Variants in DHX37 observed in about 807,000 individuals in gnomAD.
DHX37 encodes the protein probable ATP-dependent RNA helicase DHX37.
DHX37 carries 52 observed loss-of-function variants against 134.3 expected under a neutral mutation model. The ratio of observed to expected loss-of-function variants is 0.39; its 90% CI spans 0.31 to 0.49. DHX37 has a LOEUF of 0.49. DHX37 is among the 20% of genes least tolerant of loss of function. The pLI, the probability that DHX37 is intolerant of heterozygous loss-of-function variation, is 0.93. For synonymous variants in DHX37, 634 were observed against 670.7 expected, an observed-to-expected ratio of 0.95 and a Z score of 0.85; for missense variants, 1,344 against 1,580.8, an observed-to-expected ratio of 0.85 and a Z score of 2.54.
chr12:124,950,150 T>G lies in DHX37; in HGVS notation c.3215A>C (p.Gln1072Pro). Reference sequence around the variant, plus strand: ...GTCTGGAGCCGCTGTGCCACCTACCTGCCCTTCCAGCAGGAACCGGGCAAA... The same window carrying G: ...GTCTGGAGCCGCTGTGCCACCTACCGGCCCTTCCAGCAGGAACCGGGCAAA... ...KHFARFLLEG[Q>P]VFRKLASYRS... The change falls in exon 24 of 27, where the codon CAG becomes CCG. Residue 1072 changes from glutamine to proline, a missense_variant and splice_region_variant. Transcript: ENST00000308736. The G allele has an allele frequency of 6.2e-7, 1 of 1,614,024 alleles. No homozygotes were observed.
At chr12:124,974,335 A>G (rs1954585886) in intron 6 of DHX37, among the ~76,000 whole-genome samples, 1 of 151,934 alleles carries the variant, frequency 6.6e-6, no homozygotes, top group African/African-American at 2.4e-5. Context: ...CCAACTATGC[A>G]CAGAATTGTC....
intron 3 of DHX37, among the ~76,000 whole-genome samples, chr12:124,981,218 C>G (rs7953914): frequency 0.38 from 57,631 of 152,004 alleles, 11,450 homozygotes; most frequent in East Asian, 0.56. Flanking sequence ...GTGCACTGCT[C>G]TATCCCCAGG....
intron 20 of DHX37, 181 bp downstream of exon 20, chr12:124,953,699 C>A: frequency 9.0e-7 from 1 of 1,108,342 alleles, no homozygotes; most frequent in Non-Finnish European, 1.2e-6. Context: ...TAGTGCCCTG[C>A]TCATGTGCAC....
At chr12:124,964,149 C>G (rs1454730252) in intron 15 of DHX37, among the ~76,000 whole-genome samples, 2 of 143,642 alleles carry the variant, frequency 1.4e-5, no homozygotes, top group East Asian at 2.1e-4. Context: ...GAGTCGAGAT[C>G]ACGCCATTGC....
Position 124,980,429 on chromosome 12 carries a change from C to G in DHX37, c.738+61G>C. 1 of 1,559,258 alleles carries G rather than the reference C, an allele frequency of 6.4e-7. No individual in the cohort carries two copies. The highest frequency in any genetic ancestry group is 8.7e-7 in the Non-Finnish European group (1 of 1,154,308). ...GCCCTTGCCCCACTTCACCAGGACG[C>G]CCTCTGTGCGCCCCTTGCCCGCTAA... On this transcript the variant is annotated intron_variant, in intron 4 of 26. Transcript: ENST00000308736. The surrounding 1 kb of genome is among the most constrained non-coding windows in gnomAD (Gnocchi z 5.3).
At chr12:124,969,260 T>C (rs74332549) in intron 8 of DHX37, among the ~76,000 whole-genome samples, 1 of 152,008 alleles carries the variant, frequency 6.6e-6, no homozygotes, top group South Asian at 2.1e-4. Context: ...GACACCAAGA[T>C]TGACTGAGTG....
chr12:124,982,928 G>A (rs1046331548), intron 2 of DHX37, among the ~76,000 whole-genome samples: 1 of 152,146 alleles, frequency 6.6e-6, no homozygotes, highest in Non-Finnish European at 1.5e-5. Flanking sequence ...GTTCAGTCAT[G>A]TACAGCAGTG....
intron 16 of DHX37, among the ~76,000 whole-genome samples, chr12:124,958,529 G>C (rs551356218): frequency 6.6e-6 from 1 of 152,286 alleles, no homozygotes; most frequent in African/African-American, 2.4e-5. Flanking sequence ...TGGAAAATGG[G>C]GTGATAACAC....
chr12:124,954,168 G>A lies in DHX37; in HGVS notation c.2497C>T (p.Arg833Trp), dbSNP rs780796755. The change falls in exon 19 of 27, where the codon CGG becomes TGG. Residue 833 changes from arginine (R) to tryptophan (W), a missense_variant. This residue lies in a region of DHX37 where 558 missense variants were observed against 650.0 expected (regional missense o/e 0.86). Coordinates refer to ENST00000308736, the MANE Select transcript of DHX37 (RefSeq NM_032656.4). Reference sequence around the variant, plus strand: ...CTCTTCATCTGGGCCACCCGGGCCCGCTTGCTCTTCAGCCTGGTGAGCTCC... The same window carrying A: ...CTCTTCATCTGGGCCACCCGGGCCCACTTGCTCTTCAGCCTGGTGAGCTCC... ...DEELTRLKSK[R>W]ARVAQMKRTW... The A allele has an allele frequency of 2.2e-5, 35 of 1,611,164 alleles. 1 individual carries two copies. In the Admixed American group the frequency reaches 2.7e-4, roughly 12 times the overall value.
chr12:124,980,438 C>A lies in DHX37; in HGVS notation c.738+52G>T, dbSNP rs1399248024. The A allele has an allele frequency of 1.3e-6, 2 of 1,578,572 alleles. No individual in the cohort carries two copies. Among genetic ancestry groups the A allele is most frequent in the Admixed American group, 1.9e-5 (1 of 52,582 alleles). ...CCACTTCACCAGGACGCCCTCTGTG[C>A]GCCCCTTGCCCGCTAACCTAGATTC... On this transcript the variant is annotated intron_variant, in intron 4 of 26. Transcript: ENST00000308736. The surrounding 1 kb of genome is among the most constrained non-coding windows in gnomAD (Gnocchi z 5.3).
chr12:124,962,321 G>A (rs1954281684), intron 15 of DHX37, among the ~76,000 whole-genome samples: 1 of 151,682 alleles, frequency 6.6e-6, no homozygotes, highest in African/African-American at 2.4e-5. Context: ...AGGTGTTCAA[G>A]ACCAGCCTGG....
At chr12:124,950,835 G>C in intron 21 of DHX37, 31 bp from the exon 22 acceptor site, 3 of 1,565,458 alleles carry the variant, frequency 1.9e-6, no homozygotes, top group Non-Finnish European at 2.6e-6. Flanking sequence ...TGTGGTCAGG[G>C]AAGAACCCAT....
chr12:124,980,729 C>A lies in DHX37; in HGVS notation c.499G>T (p.Glu167Ter), dbSNP rs1024584332. Residue 167 changes from glutamate (E) to a stop codon, truncating the protein, a stop_gained, in exon 4 of 27, where the codon GAG (glutamate) becomes TAG (stop). Transcript: ENST00000308736. LOFTEE classifies it high-confidence loss of function. The surrounding 1 kb of genome is among the most constrained non-coding windows in gnomAD (Gnocchi z 5.3). Reference protein sequence around the residue: ...PSAEEEEEEEEESESELEEES... With the variant: ...PSAEEEEEEE ...TCCTCCAGCTCCGATTCCGACTCCT[C>A]CTCCTCCTCCTCCTCCTCCTCAGCT... The A allele has an allele frequency of 4.1e-5, 63 of 1,542,434 alleles. No homozygotes were observed. Among genetic ancestry groups the A allele is most frequent in the Admixed American group, 7.7e-5 (4 of 51,844 alleles).
At position 124,968,537 on chromosome 12, in the gene DHX37, C is replaced by A. The variant is rs138583236; in HGVS notation, c.1405G>T (p.Ala469Ser). 119 of 1,612,852 alleles carry A rather than the reference C, an allele frequency of 7.4e-5. 1 individual carries two copies. The highest frequency in any genetic ancestry group is 3.3e-4 in the East Asian group (15 of 44,900). Reference sequence around the variant, plus strand: ...CCTGACCTGGCCAGGGCCTCACCTGCGGGCAGCATCCGGTGGATCTTGCAG... The same window carrying A: ...CCTGACCTGGCCAGGGCCTCACCTGAGGGCAGCATCCGGTGGATCTTGCAG... ...KVCKIHRMLPAGGILVFLTGQ... is the reference protein window; with the variant it reads ...KVCKIHRMLPSGGILVFLTGQ... Residue 469 changes from alanine (A) to serine (S), a missense_variant, in exon 10 of 27, where the codon GCA becomes TCA. By Grantham distance (99) the Ala-to-Ser change is moderately conservative. Around this residue, in one of 7 missense-constraint regions of DHX37, gnomAD observed 289 missense variants for 323.8 expected, o/e 0.89. Coordinates refer to ENST00000308736, the MANE Select transcript of DHX37 (RefSeq NM_032656.4).
chr12:124,950,784 A>C lies in DHX37; in HGVS notation c.2889T>G (p.Pro963=). The part of the protein sequence containing the change: ...NAYKTPLLDD[P]VFIHPSSVLF... The stretch of plus-strand genomic sequence containing the variant: ...GGACGGAGCTGGGGTGGATGAAGAC[A>C]GGGTCGTCGAGGAGAGGGGTCTGCA... The change falls in exon 22 of 27, where the codon CCT becomes CCG. Residue 963 remains proline (P), a synonymous_variant. Coordinates refer to ENST00000308736, the MANE Select transcript of DHX37 (RefSeq NM_032656.4). The C allele has an allele frequency of 6.2e-7, 1 of 1,607,222 alleles. No homozygotes were observed. Among genetic ancestry groups the C allele is most frequent in the Non-Finnish European group, 8.5e-7 (1 of 1,178,188 alleles).
chr12:124,953,870 G>A lies in DHX37; in HGVS notation c.2695+10C>T, dbSNP rs750718566. Reference sequence around the variant, plus strand: ...GCCGGGTGCAGCGGCGTGCCGGCACGGGGCCGTACCTGCGGTGGTCAGCTG... The same window carrying A: ...GCCGGGTGCAGCGGCGTGCCGGCACAGGGCCGTACCTGCGGTGGTCAGCTG... On this transcript the variant is annotated intron_variant, in intron 20 of 26. Transcript: ENST00000308736. The A allele has an allele frequency of 2.1e-5, 34 of 1,609,246 alleles. No individual in the cohort carries two copies. In the South Asian group the frequency reaches 3.1e-4, roughly 15 times the overall value.
In DHX37 at chr12:124,950,429, G is replaced by A. The variant is rs1953954172; in HGVS notation, c.3105C>T (p.His1035=). Residue 1035 remains histidine (H), a synonymous_variant, in exon 23 of 27, where the codon CAC becomes CAT. Coordinates refer to ENST00000308736, the MANE Select transcript of DHX37 (RefSeq NM_032656.4). ...CCAACTCACAGAACACGCTGGCCCG[G>A]TGACACAGCACCCGCCCCCGCTCGG... ...YCPERGRVLC[H]RASVFYRVGW... The A allele has an allele frequency of 3.1e-6, 5 of 1,598,528 alleles. No homozygotes were observed. The highest frequency in any genetic ancestry group is 4.3e-6 in the Non-Finnish European group (5 of 1,172,332).
At chr12:124,967,015 T>C (rs17879868) in intron 11 of DHX37, 108 bp downstream of exon 11, 370,887 of 1,527,778 alleles carry the variant, frequency 0.24, 48,421 homozygotes, top group East Asian at 0.53. Context: ...GCAAAGGTGC[T>C]GATGCTTCCA....
intron 1 of DHX37, 108 bp from the exon 2 acceptor site, chr12:124,986,373 A>G (rs1404527326): frequency 3.3e-6 from 4 of 1,203,226 alleles, no homozygotes; most frequent in Admixed American, 4.4e-5. Flanking sequence ...GCACACAGGA[A>G]CAGGGGGATC....
Sources: allele counts gnomAD v4.1 joint callset (sites outside exome capture counted in the v4.1 genomes callset), GRCh38; gene constraint gnomAD v4.1.1; regional missense constraint gnomAD v4.1.1; non-coding constraint Gnocchi (gnomAD v3.1); transcripts MANE v1.5; gene names NCBI Gene and HGNC (gene_info 2026-07-23, HGNC 2026-07-21).